The following ATP6V1G3 variants were observed in gnomAD, a reference collection of about 807,000 sequenced individuals.
ATP6V1G3 encodes the protein ATPase H+ transporting V1 subunit G3, also known as V-type proton ATPase subunit G 3.
Under a neutral mutation model 9.3 loss-of-function variants are expected in ATP6V1G3, and 9 were observed. That is an observed-to-expected ratio of 0.97 (90% CI 0.59 to 1.69). The LOEUF (loss-of-function observed/expected upper bound fraction) is 1.69. Ranked by LOEUF, ATP6V1G3 falls within the 40% of genes most tolerant of loss-of-function variation. The probability of loss-of-function intolerance (pLI) is 0.00; values close to 1 mark genes in which losing one functional copy is unlikely to be tolerated. For missense variants in ATP6V1G3, 133 were observed against 139.0 expected, an observed-to-expected ratio of 0.96 and a Z score of 0.22; for synonymous variants, 43 against 43.8, an observed-to-expected ratio of 0.98 and a Z score of 0.07.
chr1:198,524,858 A>C (rs1016863279), intron 2 of ATP6V1G3, among the ~76,000 whole-genome samples: 1 of 152,204 alleles, frequency 6.6e-6, no homozygotes, highest in Non-Finnish European at 1.5e-5. Flanking sequence ...CATTTAATTT[A>C]ATCCAAGATA....
Position 198,531,801 on chromosome 1 carries a change from A to C in ATP6V1G3, c.83-2620T>G, listed in dbSNP as rs191757201. Among the ~76,000 whole-genome samples the C allele has an allele frequency of 3.2e-4, 49 of 152,266 alleles. 1 individual carries two copies. Among genetic ancestry groups the C allele is most frequent in the South Asian group, 2.9e-3 (14 of 4,826 alleles). On this transcript the variant is annotated intron_variant, in intron 1 of 2. Coordinates refer to ENST00000367382, the MANE Select transcript of ATP6V1G3 (RefSeq NM_001376861.1). ...CTTTGTAACTTTGAGCAGGTTATTG[A>C]GTTTTCTCATCTATAAGACAGATTT...
intron 1 of ATP6V1G3, among the ~76,000 whole-genome samples, chr1:198,539,540 CAT>C (rs373987976): frequency 3.9e-5 from 6 of 151,928 alleles, no homozygotes; most frequent in African/African-American, 1.5e-4. Flanking sequence ...AGATCTGAGA[CAT>C]ATTAATTTTT....
At chr1:198,525,721 T>C (rs74597857) in intron 2 of ATP6V1G3, among the ~76,000 whole-genome samples, 2,104 of 152,310 alleles carry the variant, frequency 0.014, 53 homozygotes, top group African/African-American at 0.048. Context: ...ATCTGGTATG[T>C]AGTTTACACT....
chr1:198,523,423 C>T lies in ATP6V1G3; in HGVS notation c.325G>A (p.Glu109Lys). The change falls in exon 3 of 3, where the codon GAA (glutamate) becomes AAA (lysine). Residue 109 changes from glutamate to lysine, a missense_variant. By Grantham distance (56) the Glu-to-Lys change is moderately conservative. Coordinates refer to ENST00000367382, the MANE Select transcript of ATP6V1G3 (RefSeq NM_001376861.1). Reference protein sequence around the residue: ...LLSMVCDMKPEIHVNYRATN With the variant: ...LLSMVCDMKPKIHVNYRATN ...GTGGCTCTGTAGTTCACATGGATTT[C>T]TGGTTTCATGTCACAGACCATGCTC... The T allele has an allele frequency of 1.9e-6, 3 of 1,613,068 alleles. No individual in the cohort carries two copies. The highest frequency in any genetic ancestry group is 2.5e-6 in the Non-Finnish European group (3 of 1,179,566).
chr1:198,536,530 A>G (rs1660119681), intron 1 of ATP6V1G3: 1 of 557,956 alleles, frequency 1.8e-6, no homozygotes, highest in Admixed American at 2.7e-5. Flanking sequence ...AGATAATTTA[A>G]AGTAGTGCAA....
rs761849245 is a variant in ATP6V1G3 at position 198,523,350 on chromosome 1, A to C, written c.*41T>G. 1 of 1,580,144 alleles carries C rather than the reference A, an allele frequency of 6.3e-7. No homozygotes were observed. Among genetic ancestry groups the C allele is most frequent in the Non-Finnish European group, 8.6e-7 (1 of 1,162,138 alleles). ...ACGAAGCCATAAGCAACCAGGTGGC[A>C]CTCACACACCTTTTTTTTTCTTGAA... On this transcript the variant is annotated 3_prime_UTR_variant, in exon 3 of 3. Coordinates refer to ENST00000367382, the MANE Select transcript of ATP6V1G3 (RefSeq NM_001376861.1).
At chr1:198,532,515 G>A (rs983869978) in intron 1 of ATP6V1G3, among the ~76,000 whole-genome samples, 1 of 152,198 alleles carries the variant, frequency 6.6e-6, no homozygotes, top group Non-Finnish European at 1.5e-5. Flanking sequence ...TGGAGTTTGT[G>A]TTCTGAATGT....
intron 1 of ATP6V1G3, among the ~76,000 whole-genome samples, chr1:198,535,609 T>C (rs997977364): frequency 6.6e-6 from 1 of 152,118 alleles, no homozygotes; most frequent in African/African-American, 2.4e-5. Context: ...CAAAATTCTT[T>C]TTATTGGATA....
At chr1:198,529,416 T>C (rs1176447673) in intron 1 of ATP6V1G3, among the ~76,000 whole-genome samples, 1 of 151,848 alleles carries the variant, frequency 6.6e-6, no homozygotes, top group Non-Finnish European at 1.5e-5. Flanking sequence ...TTGAAAATTT[T>C]ATTATTTTTT....
chr1:198,525,287 G>T (rs994462531), intron 2 of ATP6V1G3, among the ~76,000 whole-genome samples: 2 of 152,102 alleles, frequency 1.3e-5, no homozygotes, highest in African/African-American at 4.8e-5. Flanking sequence ...TCTTCTAGTG[G>T]TAAAAAATTA....
chr1:198,533,969 T>C (rs1332470563), intron 1 of ATP6V1G3, among the ~76,000 whole-genome samples: 3 of 152,086 alleles, frequency 2.0e-5, no homozygotes, highest in African/African-American at 7.2e-5. Context: ...AAGTGTTCAA[T>C]AGAAAATGGA....
At chr1:198,536,908 A>ATGTG (rs112418740) in intron 1 of ATP6V1G3, among the ~76,000 whole-genome samples, 2 of 151,658 alleles carry the variant, frequency 1.3e-5, no homozygotes, top group African/African-American at 4.8e-5. Context: ...TCTTGGTCAT[A>ATGTG]TGTGTGTGTG....
chr1:198,529,199 TATATATATATATATATAA>T lies in ATP6V1G3; in HGVS notation c.83-36_83-19del. The T allele has an allele frequency of 2.9e-6, 1 of 344,604 alleles. No homozygotes were observed. Among genetic ancestry groups the T allele is most frequent in the South Asian group, 7.8e-5 (1 of 12,802 alleles). 21.3% of individuals were successfully genotyped at this position (344,604 alleles called of 1,614,324 possible). ...TCCTTTTCCTGAAAATTAACAAATA[TATATATATATATATATAA>T]TTATATATATCAATATATAAATATT... On this transcript the variant is annotated intron_variant, in intron 1 of 2. Transcript: ENST00000367382.
chr1:198,526,605 G>A (rs1659663368), intron 2 of ATP6V1G3, among the ~76,000 whole-genome samples: 2 of 152,162 alleles, frequency 1.3e-5, no homozygotes, highest in African/African-American at 4.8e-5. Context: ...GACTGATGGT[G>A]ATGGAAGAAC....
intron 2 of ATP6V1G3, among the ~76,000 whole-genome samples, chr1:198,525,858 C>T (rs1432843739): frequency 6.6e-6 from 1 of 152,008 alleles, no homozygotes; most frequent in Non-Finnish European, 1.5e-5. Context: ...CTTAATGTGG[C>T]TTTTCAAGAC....
At position 198,528,765 on chromosome 1, in the gene ATP6V1G3, C is replaced by A. The variant is rs181159184; in HGVS notation, c.183+316G>T. On this transcript the variant is annotated intron_variant, in intron 2 of 2. Coordinates refer to ENST00000367382, the MANE Select transcript of ATP6V1G3 (RefSeq NM_001376861.1). ...AAGTTATTTTACTAAAACATGTAGT[C>A]AATAATCAGTGGTAGGAATGAGACT... Among the ~76,000 whole-genome samples, 666 of 151,946 alleles carry A rather than the reference C, an allele frequency of 4.4e-3. 3 individuals carry two copies. Among genetic ancestry groups the A allele is most frequent in the Admixed American group, 7.7e-3 (118 of 15,250 alleles).
chr1:198,523,568 C>T lies in ATP6V1G3; in HGVS notation c.184-4G>A. 1.2e-6 allele frequency: 2 copies of T among 1,609,210 alleles called. No homozygotes were observed. Among genetic ancestry groups the T allele is most frequent in the South Asian group, 1.1e-5 (1 of 90,566 alleles). ...GATTATTCTGAGAGCCCATTATCTA[C>T]CAAAACAAAACAGACAGAATTCACA... On this transcript the variant is annotated splice_polypyrimidine_tract_variant and splice_region_variant and intron_variant, in intron 2 of 2. Coordinates refer to ENST00000367382, the MANE Select transcript of ATP6V1G3 (RefSeq NM_001376861.1).
intron 1 of ATP6V1G3, among the ~76,000 whole-genome samples, chr1:198,538,112 C>T (rs1344703457): frequency 6.6e-6 from 1 of 152,068 alleles, no homozygotes; most frequent in Non-Finnish European, 1.5e-5. Context: ...TCCAGAATGT[C>T]TTTAAAGCCT....
chr1:198,532,896 G>A (rs1452340180), intron 1 of ATP6V1G3, among the ~76,000 whole-genome samples: 1 of 152,152 alleles, frequency 6.6e-6, no homozygotes, highest in Non-Finnish European at 1.5e-5. Context: ...TAGAAAGATA[G>A]TAGCACGACC....
Sources: gnomAD v4.1 joint callset for allele counts (sites outside exome capture counted in the v4.1 genomes callset) on GRCh38, gnomAD v4.1.1 for gene constraint, MANE v1.5 for transcripts, NCBI Gene and HGNC (gene_info 2026-07-23, HGNC 2026-07-21) for gene names.